The following FER1L6 variants were observed in gnomAD, a reference collection of about 807,000 sequenced individuals.
FER1L6 encodes the protein fer-1-like protein 6.
FER1L6 carries 177 observed loss-of-function variants against 219.2 expected under a neutral mutation model. The observed-to-expected ratio is 0.81, with a 90% confidence interval of 0.71 to 0.91. The LOEUF (loss-of-function observed/expected upper bound fraction) is 0.91. Among genes scored for constraint, FER1L6 ranks in the 40% least tolerant of loss-of-function variants. FER1L6 has a pLI of 0.00. For missense variants in FER1L6, 2,153 were observed against 2,259.9 expected, an observed-to-expected ratio of 0.95 and a Z score of 0.96; for synonymous variants, 768 against 824.3, an observed-to-expected ratio of 0.93 and a Z score of 1.17.
intron 1 of FER1L6, among the ~76,000 whole-genome samples, chr8:123,898,643 T>TTATATATA (rs140414036): frequency 4.9e-5 from 7 of 142,048 alleles, no homozygotes; most frequent in African/African-American, 1.8e-4. Context: ...GTATTCCATT[T>TTATATATA]TATATATATA....
In FER1L6 at chr8:124,101,291, T is replaced by G; in HGVS notation, c.5078T>G (p.Val1693Gly). The G allele has an allele frequency of 6.2e-7, 1 of 1,613,550 alleles. No individual in the cohort carries two copies. The highest frequency in any genetic ancestry group is 8.5e-7 in the Non-Finnish European group (1 of 1,179,572). Residue 1693 changes from valine (V) to glycine (G), a missense_variant, in exon 38 of 41, where the codon GTG (valine) becomes GGG (glycine). Physicochemically the swap from Val to Gly is moderately radical, Grantham distance 109. Coordinates refer to ENST00000522917, the MANE Select transcript of FER1L6 (RefSeq NM_001039112.2). Reference sequence around the variant, plus strand: ...GAGTGTAAGACTCCTGCTGTGTTGGTGCTGCAGGTTTGGGATTTTGAAAGG... The same window carrying G: ...GAGTGTAAGACTCCTGCTGTGTTGGGGCTGCAGGTTTGGGATTTTGAAAGG... ...KMECKTPAVL[V>G]LQVWDFERLS... is the part of the protein sequence containing the mutation.
intron 1 of FER1L6, among the ~76,000 whole-genome samples, chr8:123,913,507 C>G (rs1381359242): frequency 6.6e-6 from 1 of 152,112 alleles, no homozygotes; most frequent in Non-Finnish European, 1.5e-5. Context: ...GAGGCTTGGT[C>G]TGGCTGTCAG....
At chr8:124,062,966 T>C (rs936072478) in intron 25 of FER1L6, among the ~76,000 whole-genome samples, 2 of 152,218 alleles carry the variant, frequency 1.3e-5, no homozygotes, top group Non-Finnish European at 2.9e-5. Flanking sequence ...ACTTTCTAGA[T>C]TTTTGTTTTG....
intron 29 of FER1L6, among the ~76,000 whole-genome samples, 162 bp downstream of exon 29, chr8:124,069,637 C>T (rs1164051224): frequency 1.3e-5 from 2 of 152,226 alleles, no homozygotes; most frequent in Non-Finnish European, 2.9e-5. Context: ...TAAGCCAAGA[C>T]AGGAAGCTTG....
At chr8:124,042,847 C>T (rs1819566622) in intron 20 of FER1L6, among the ~76,000 whole-genome samples, 1 of 152,142 alleles carries the variant, frequency 6.6e-6, no homozygotes, top group South Asian at 2.1e-4. Flanking sequence ...AGAGGGGAAT[C>T]CAGTCATTCC....
At chr8:123,943,707 A>G (rs566880169) in intron 1 of FER1L6, among the ~76,000 whole-genome samples, 2 of 152,136 alleles carry the variant, frequency 1.3e-5, no homozygotes, top group Admixed American at 1.3e-4. Context: ...GCTTCTCATT[A>G]TCGAACTCTG....
intron 18 of FER1L6, among the ~76,000 whole-genome samples, chr8:124,027,664 ATC>A (rs1256895035): frequency 6.6e-6 from 1 of 152,164 alleles, no homozygotes; most frequent in Non-Finnish European, 1.5e-5. Context: ...GGCTCAAGCA[ATC>A]CTCCCACCTT....
chr8:123,905,203 C>T (rs1812928488), intron 1 of FER1L6, among the ~76,000 whole-genome samples: 2 of 152,294 alleles, frequency 1.3e-5, no homozygotes, highest in East Asian at 1.9e-4. Flanking sequence ...TTAAGTCCCA[C>T]ATGCATTATC....
intron 39 of FER1L6, among the ~76,000 whole-genome samples, chr8:124,108,833 A>C (rs1822888335): frequency 6.6e-6 from 1 of 151,896 alleles, no homozygotes; most frequent in African/African-American, 2.4e-5. Flanking sequence ...AGCTATGATC[A>C]CGCCTTTGCA....
chr8:124,117,825 C>T (rs1375570793), intron 39 of FER1L6, among the ~76,000 whole-genome samples: 2 of 152,130 alleles, frequency 1.3e-5, no homozygotes, highest in African/African-American at 4.8e-5. Flanking sequence ...AACACAAGAC[C>T]ACTGCCTCAG....
intron 10 of FER1L6, 141 bp downstream of exon 10, chr8:123,977,750 T>A: frequency 1.4e-6 from 1 of 736,324 alleles, no homozygotes; most frequent in Non-Finnish European, 2.2e-6. Flanking sequence ...TATTTTTCCA[T>A]GAATGGGTTG....
At chr8:124,090,408 A>G (rs991300281) in intron 33 of FER1L6, among the ~76,000 whole-genome samples, 1 of 152,222 alleles carries the variant, frequency 6.6e-6, no homozygotes. Context: ...TTTGTTCAGA[A>G]GAATTTCCTG....
rs750536782 is a variant in FER1L6 at position 124,119,820 on chromosome 8, T to C, written c.*30T>C. 5 of 1,606,852 alleles carry C rather than the reference T, an allele frequency of 3.1e-6. No individual in the cohort carries two copies. The highest frequency in any genetic ancestry group is 3.4e-6 in the Non-Finnish European group (4 of 1,176,518). Reference sequence around the variant, plus strand: ...TCATGGAGGACCCAGATCCTCGCCATATACTAATCCTCTCTTCCTTATCTG... The same window carrying C: ...TCATGGAGGACCCAGATCCTCGCCACATACTAATCCTCTCTTCCTTATCTG... On this transcript the variant is annotated 3_prime_UTR_variant, in exon 41 of 41. Transcript: ENST00000522917.
chr8:123,898,834 TATAC>T (rs891924421), intron 1 of FER1L6, among the ~76,000 whole-genome samples: 36 of 87,670 alleles, frequency 4.1e-4, no homozygotes, highest in African/African-American at 1.0e-3. Context: ...TATATATATA[TATAC>T]ATACATATAT....
chr8:124,102,622 GC>G (rs1822592222), intron 38 of FER1L6, among the ~76,000 whole-genome samples: 1 of 152,194 alleles, frequency 6.6e-6, no homozygotes, highest in African/African-American at 2.4e-5. Context: ...CTCTTACTCT[GC>G]CTTGTGTTCC....
intron 17 of FER1L6, among the ~76,000 whole-genome samples, chr8:124,022,751 C>T (rs1233292989): frequency 6.6e-6 from 1 of 152,088 alleles, no homozygotes; most frequent in Non-Finnish European, 1.5e-5. Context: ...GTGCTTAAAA[C>T]TAAATCATTA....
rs1289634346 is a variant in FER1L6 at position 123,973,461 on chromosome 8, G to GT, written c.476dup (p.Leu160ThrfsTer32). ...CTTTCACCACAAGCTGATAGGAAGT[G>GT]TACTGATTGGCTCTTTCAAAGTAGA... is the stretch of plus-strand genomic sequence containing the variant. On this transcript the variant is annotated frameshift_variant, in exon 7 of 41. Transcript: ENST00000522917. LOFTEE classifies it high-confidence loss of function. 1.2e-6 allele frequency: 2 copies of GT among 1,613,948 alleles called. No homozygotes were observed. The highest frequency in any genetic ancestry group is 2.7e-5 in the African/African-American group (2 of 74,920).
intron 1 of FER1L6, among the ~76,000 whole-genome samples, chr8:123,951,061 A>G (rs1416796255): frequency 6.6e-6 from 1 of 152,264 alleles, no homozygotes; most frequent in Non-Finnish European, 1.5e-5. Context: ...AATTTAATAC[A>G]TTTAATAATT....
intron 1 of FER1L6, among the ~76,000 whole-genome samples, chr8:123,952,582 C>T (rs1442539052): frequency 6.6e-6 from 1 of 152,112 alleles, no homozygotes; most frequent in Non-Finnish European, 1.5e-5. Flanking sequence ...GGAGGGTTCT[C>T]ATGCTGGAAT....
Sources: allele counts gnomAD v4.1 joint callset (sites outside exome capture counted in the v4.1 genomes callset), GRCh38; gene constraint gnomAD v4.1.1; transcripts MANE v1.5; gene names NCBI Gene and HGNC (gene_info 2026-07-23, HGNC 2026-07-21).